The following RBFOX1 variants were observed in gnomAD, a reference collection of about 807,000 sequenced individuals.
RBFOX1 encodes the protein RNA binding fox-1 homolog 1, also known as RNA binding protein fox-1 homolog 1.
Under a neutral mutation model 57.7 loss-of-function variants are expected in RBFOX1, and 8 were observed. The ratio of observed to expected loss-of-function variants is 0.14; its 90% confidence interval spans 0.08 to 0.25. The LOEUF (loss-of-function observed/expected upper bound fraction) is 0.25, where lower values mean the gene tolerates loss of function less well. RBFOX1 is among the 10% of genes least tolerant of loss of function. The pLI is 1.00. For missense variants in RBFOX1, 611 were observed against 548.5 expected, an observed-to-expected ratio of 1.11 and a Z score of -1.14; for synonymous variants, 326 against 222.4, an observed-to-expected ratio of 1.47 and a Z score of -4.15.
intron 2 of RBFOX1, among the ~76,000 whole-genome samples, chr16:6,635,154 T>A (rs1011703697): frequency 6.8e-6 from 1 of 147,178 alleles, no homozygotes; most frequent in South Asian, 2.1e-4. Flanking sequence ...GTATATGATA[T>A]GAGTATAATA....
At chr16:7,460,805 T>C (rs1475882941) in intron 4 of RBFOX1, among the ~76,000 whole-genome samples, 1 of 152,136 alleles carries the variant, frequency 6.6e-6, no homozygotes, top group East Asian at 1.9e-4. Context: ...ATTATTAGGT[T>C]CCCAAAACTG....
At chr16:6,965,270 C>A (rs185054045) in intron 3 of RBFOX1, among the ~76,000 whole-genome samples, 1 of 151,718 alleles carries the variant, frequency 6.6e-6, no homozygotes, top group African/African-American at 2.4e-5. Flanking sequence ...GAATTCAGGA[C>A]TAGAATGACC....
intron 3 of RBFOX1, among the ~76,000 whole-genome samples, chr16:6,750,412 C>A (rs764193939): frequency 6.6e-6 from 1 of 152,170 alleles, no homozygotes; most frequent in African/African-American, 2.4e-5. Context: ...GAAGCTGAAA[C>A]CAGGGTGGCT....
chr16:5,783,045 A>G (rs779486977), intron 3 of RBFOX1, among the ~76,000 whole-genome samples: 1 of 152,226 alleles, frequency 6.6e-6, no homozygotes, highest in Non-Finnish European at 1.5e-5. Flanking sequence ...GGACACACCC[A>G]GAAGTAATAT....
intron 1 of RBFOX1, among the ~76,000 whole-genome samples, chr16:6,140,772 C>A (rs185416961): frequency 2.0e-5 from 3 of 152,156 alleles, no homozygotes; most frequent in Non-Finnish European, 4.4e-5. Context: ...AGCAAAACAT[C>A]TTTAGCATCT....
At chr16:7,248,534 A>G (rs1364228201) in intron 4 of RBFOX1, among the ~76,000 whole-genome samples, 1 of 152,214 alleles carries the variant, frequency 6.6e-6, no homozygotes, top group Admixed American at 6.5e-5. Flanking sequence ...AATTTCACCC[A>G]TCACAGATGG....
chr16:6,738,868 G>C (rs2071226396), intron 3 of RBFOX1, among the ~76,000 whole-genome samples: 1 of 152,058 alleles, frequency 6.6e-6, no homozygotes, highest in South Asian at 2.1e-4. Context: ...AAGCTAAACA[G>C]TAAACTTCTC....
At chr16:7,412,865 A>G (rs1221343774) in intron 4 of RBFOX1, among the ~76,000 whole-genome samples, 1 of 151,918 alleles carries the variant, frequency 6.6e-6, no homozygotes, top group African/African-American at 2.4e-5. Flanking sequence ...ACACGGTGAA[A>G]CCCCGTCTCT....
At chr16:6,880,496 G>C (rs2062717902) in intron 3 of RBFOX1, among the ~76,000 whole-genome samples, 1 of 152,146 alleles carries the variant, frequency 6.6e-6, no homozygotes, top group Non-Finnish European at 1.5e-5. Context: ...TGCAAAAGCT[G>C]GGCCAGGTAG....
intron 2 of RBFOX1, among the ~76,000 whole-genome samples, chr16:6,494,135 C>T (rs2095701883): frequency 6.6e-6 from 1 of 152,194 alleles, no homozygotes; most frequent in South Asian, 2.1e-4. Flanking sequence ...GTACACTATT[C>T]TCTAATGGTA....
intron 3 of RBFOX1, among the ~76,000 whole-genome samples, chr16:6,944,818 G>A (rs1316134908): frequency 7.9e-5 from 12 of 152,166 alleles, no homozygotes; most frequent in Non-Finnish European, 1.6e-4. Flanking sequence ...GAGGACTGGA[G>A]GGCTTTGGGT....
chr16:7,563,678 C>G (rs2090983116), intron 5 of RBFOX1, among the ~76,000 whole-genome samples: 1 of 152,074 alleles, frequency 6.6e-6, no homozygotes, highest in African/African-American at 2.4e-5. Context: ...CTATGTTGGC[C>G]AGACTGGTCT....
intron 1 of RBFOX1, among the ~76,000 whole-genome samples, chr16:6,091,474 C>A (rs1349156104): frequency 6.6e-6 from 1 of 152,114 alleles, no homozygotes; most frequent in African/African-American, 2.4e-5. Context: ...CGGTCTATAT[C>A]TATTTTATTG....
At chr16:6,865,809 C>T (rs2059813440) in intron 3 of RBFOX1, among the ~76,000 whole-genome samples, 1 of 152,070 alleles carries the variant, frequency 6.6e-6, no homozygotes, top group African/African-American at 2.4e-5. Context: ...AACAGTTGCA[C>T]ACGGAGAATT....
intron 3 of RBFOX1, among the ~76,000 whole-genome samples, chr16:6,714,477 G>A (rs955547356): frequency 8.5e-5 from 13 of 152,084 alleles, no homozygotes; most frequent in African/African-American, 2.4e-4. Context: ...TGGAACCAAC[G>A]TACACACATA....
intron 1 of RBFOX1, among the ~76,000 whole-genome samples, chr16:6,094,582 G>A (rs1020584128): frequency 1.6e-4 from 25 of 152,334 alleles, no homozygotes; most frequent in African/African-American, 5.5e-4. Flanking sequence ...TAGTTTTGAA[G>A]CAGGTAGGTC....
intron 3 of RBFOX1, among the ~76,000 whole-genome samples, chr16:6,791,573 A>G (rs1035805279): frequency 4.6e-5 from 7 of 152,202 alleles, no homozygotes; most frequent in Non-Finnish European, 8.8e-5. Flanking sequence ...AACCTGGCCA[A>G]CATGGTGAAA....
intron 1 of RBFOX1, among the ~76,000 whole-genome samples, chr16:5,449,589 A>G (rs988171992): frequency 1.3e-5 from 2 of 152,064 alleles, no homozygotes; most frequent in Non-Finnish European, 2.9e-5. Flanking sequence ...TTGACTTGGA[A>G]ATATAGAACT....
At chr16:6,021,373 G>A (rs1013773111) in intron 1 of RBFOX1, among the ~76,000 whole-genome samples, 1 of 152,038 alleles carries the variant, frequency 6.6e-6, no homozygotes, top group Non-Finnish European at 1.5e-5. Context: ...AAGATGAGAG[G>A]GCCTGGATTC....
Sources: gnomAD v4.1 joint callset for allele counts (sites outside exome capture counted in the v4.1 genomes callset) on GRCh38, gnomAD v4.1.1 for gene constraint, MANE v1.5 for transcripts, NCBI Gene and HGNC (gene_info 2026-07-23, HGNC 2026-07-21) for gene names.